The following NRXN3 variants were observed in gnomAD, a reference collection of about 807,000 sequenced individuals.
NRXN3 encodes neurexin 3.
NRXN3 carries 32 observed loss-of-function variants against 137.6 expected under a neutral mutation model. The ratio of observed to expected loss-of-function variants is 0.23; its 90% confidence interval spans 0.18 to 0.31. The LOEUF (loss-of-function observed/expected upper bound fraction) is 0.31. NRXN3 is among the 10% of genes least tolerant of loss of function. NRXN3 has a pLI of 1.00. For missense variants in NRXN3, 1,574 were observed against 2,062.5 expected (o/e 0.76, Z 4.59); for synonymous variants, 798 against 784.5 (o/e 1.02, Z -0.29).
intron 1 of NRXN3, among the ~76,000 whole-genome samples, chr14:78,235,891 G>C (rs1411934398): frequency 6.6e-6 from 1 of 152,198 alleles, no homozygotes; most frequent in African/African-American, 2.4e-5. Flanking sequence ...CTAGGGTATA[G>C]AGTGGGCTCA....
At chr14:78,815,479 CTT>C (rs61411777) in intron 10 of NRXN3, among the ~76,000 whole-genome samples, 5 of 84,454 alleles carry the variant, frequency 5.9e-5, no homozygotes, top group African/African-American at 1.7e-4. Context: ...TTGTTTCTTT[CTT>C]TTTTTTTTTT....
At chr14:78,426,389 G>A (rs1309119665) in intron 4 of NRXN3, among the ~76,000 whole-genome samples, 1 of 152,172 alleles carries the variant, frequency 6.6e-6, no homozygotes, top group Non-Finnish European at 1.5e-5. Context: ...GCCATTCACA[G>A]GTTGCAGAGG....
At chr14:79,487,443 C>T (rs1385198267) in intron 16 of NRXN3, among the ~76,000 whole-genome samples, 1 of 152,062 alleles carries the variant, frequency 6.6e-6, no homozygotes, top group Admixed American at 6.5e-5. Context: ...GTGCTGAATG[C>T]CAGGACAGAC....
At chr14:79,456,125 A>G (rs2096253901) in intron 15 of NRXN3, among the ~76,000 whole-genome samples, 1 of 152,186 alleles carries the variant, frequency 6.6e-6, no homozygotes, top group Non-Finnish European at 1.5e-5. Flanking sequence ...TGTTTGTTCA[A>G]TAACTTAATT....
intron 16 of NRXN3, among the ~76,000 whole-genome samples, chr14:79,553,208 G>A (rs2097393459): frequency 6.6e-6 from 1 of 151,920 alleles, no homozygotes; most frequent in Non-Finnish European, 1.5e-5. Context: ...GATTGAGTAT[G>A]ATTGTAATAT....
At chr14:78,285,908 A>G (rs1193879672) in intron 3 of NRXN3, among the ~76,000 whole-genome samples, 2 of 152,204 alleles carry the variant, frequency 1.3e-5, no homozygotes, top group East Asian at 1.9e-4. Flanking sequence ...TTCCCAGCCA[A>G]TTGCCTGGCT....
At chr14:79,510,239 G>C (rs998868607) in intron 16 of NRXN3, among the ~76,000 whole-genome samples, 1 of 152,208 alleles carries the variant, frequency 6.6e-6, no homozygotes, top group South Asian at 2.1e-4. Context: ...CTCGGGATTC[G>C]TTGAATTTGA....
intron 10 of NRXN3, among the ~76,000 whole-genome samples, chr14:78,848,126 G>T (rs910535816): frequency 6.6e-6 from 1 of 152,142 alleles, no homozygotes; most frequent in Non-Finnish European, 1.5e-5. Flanking sequence ...ACTGAACATG[G>T]TGGGGCAGAT....
chr14:78,887,955 C>G (rs570124722), intron 10 of NRXN3, among the ~76,000 whole-genome samples: 12 of 152,164 alleles, frequency 7.9e-5, no homozygotes, highest in African/African-American at 2.9e-4. Context: ...CTCTGACTTC[C>G]TAGAAGTGGC....
chr14:79,073,627 T>C (rs2099691258), intron 15 of NRXN3, among the ~76,000 whole-genome samples: 1 of 152,160 alleles, frequency 6.6e-6, no homozygotes, highest in African/African-American at 2.4e-5. Context: ...ACAACAGCCT[T>C]TTCTTTTTAT....
intron 16 of NRXN3, among the ~76,000 whole-genome samples, chr14:79,483,261 T>G (rs958433846): frequency 2.0e-5 from 3 of 152,200 alleles, no homozygotes; most frequent in African/African-American, 7.2e-5. Flanking sequence ...ACTGGGAACT[T>G]AGCATTAGCT....
chr14:79,739,507 G>A (rs2098953193), intron 19 of NRXN3, among the ~76,000 whole-genome samples: 1 of 151,836 alleles, frequency 6.6e-6, no homozygotes, highest in African/African-American at 2.4e-5. Context: ...AGCCAGGCAT[G>A]GTGGTGGGCA....
intron 4 of NRXN3, among the ~76,000 whole-genome samples, chr14:78,627,979 G>C (rs937641499): frequency 6.6e-6 from 1 of 152,040 alleles, no homozygotes; most frequent in African/African-American, 2.4e-5. Context: ...ATTCATGATG[G>C]AGTGCTGCAG....
intron 4 of NRXN3, among the ~76,000 whole-genome samples, chr14:78,314,876 CCGTT>C (rs1362432737): frequency 0.13 from 13,400 of 106,746 alleles, 984 homozygotes; most frequent in Middle Eastern, 0.15. Flanking sequence ...TTTTTCTTTT[CCGTT>C]CTTTCTTTCT....
chr14:79,521,475 C>T (rs965837079), intron 16 of NRXN3, among the ~76,000 whole-genome samples: 1 of 152,050 alleles, frequency 6.6e-6, no homozygotes, highest in Non-Finnish European at 1.5e-5. Flanking sequence ...ATATTATTTG[C>T]TTTTTGACCT....
intron 15 of NRXN3, among the ~76,000 whole-genome samples, chr14:79,081,344 G>C (rs896480522): frequency 6.6e-6 from 1 of 152,066 alleles, no homozygotes; most frequent in Non-Finnish European, 1.5e-5. Context: ...AGCCAGGTGC[G>C]GTGGCTCACG....
chr14:79,829,918 T>C (rs2099317766), intron 20 of NRXN3, among the ~76,000 whole-genome samples: 1 of 152,236 alleles, frequency 6.6e-6, no homozygotes, highest in African/African-American at 2.4e-5. Context: ...AGAGAAGATA[T>C]GCTCTACAGC....
At chr14:79,756,792 C>G (rs1292548222) in intron 19 of NRXN3, among the ~76,000 whole-genome samples, 1 of 152,154 alleles carries the variant, frequency 6.6e-6, no homozygotes, top group Non-Finnish European at 1.5e-5. Flanking sequence ...TATAAGCCCA[C>G]TCACCCAGGA....
rs187703217 is a variant in NRXN3 at position 79,272,892 on chromosome 14, G to A, written c.3263-194329G>A. On this transcript the variant is annotated intron_variant, in intron 15 of 20. Transcript: ENST00000335750. Reference sequence around the variant, plus strand: ...CCGTGATTTGAAATTATGGGTGGGGGCCGGGTGCGGTGGCTCACGCCTGTA... The same window carrying A: ...CCGTGATTTGAAATTATGGGTGGGGACCGGGTGCGGTGGCTCACGCCTGTA... 5.3e-4 allele frequency among the ~76,000 whole-genome samples: 81 copies of A among 152,304 alleles called. 1 individual carries two copies. The highest frequency in any genetic ancestry group is 1.9e-3 in the African/African-American group (80 of 41,572).
Sources: gnomAD v4.1 joint callset for allele counts (sites outside exome capture counted in the v4.1 genomes callset) on GRCh38, gnomAD v4.1.1 for gene constraint, MANE v1.5 for transcripts, NCBI Gene and HGNC (gene_info 2026-07-23, HGNC 2026-07-21) for gene names.